OSBPL6: variants seen among roughly 807,000 people sequenced by gnomAD.
OSBPL6 encodes oxysterol-binding protein-related protein 6.
Under a neutral mutation model 125.8 loss-of-function variants are expected in OSBPL6, and 49 were observed. That is an observed-to-expected ratio of 0.39 (90% CI 0.31 to 0.49). The LOEUF is 0.49. Ranked by LOEUF, OSBPL6 falls within the 20% of genes least tolerant of loss-of-function variation. OSBPL6 has a pLI of 0.88. For synonymous variants in OSBPL6, 394 were observed against 391.8 expected, an observed-to-expected ratio of 1.01 and a Z score of -0.07; for missense variants, 986 against 1,135.4, an observed-to-expected ratio of 0.87 and a Z score of 1.89.
chr2:178,372,841 AT>A (rs1478135359), intron 14 of OSBPL6, among the ~76,000 whole-genome samples: 4 of 152,124 alleles, frequency 2.6e-5, no homozygotes, highest in Non-Finnish European at 4.4e-5. Context: ...TTATTATTCC[AT>A]TTTTCAGATT....
Position 178,395,460 on chromosome 2 carries a change from T to C in OSBPL6, c.2706T>C (p.Ile902=), listed in dbSNP as rs1189424685. 1 of 1,612,942 alleles carries C rather than the reference T, an allele frequency of 6.2e-7. No homozygotes were observed. The highest frequency in any genetic ancestry group is 1.1e-5 in the South Asian group (1 of 90,986). ...EHIPKFFKKV[I]DANQREAWVS... The stretch of plus-strand genomic sequence containing the variant: ...GTTTATATTTTCACAGAAAAGTTAT[T>C]GATGCCAATCAAAGAGAAGCCTGGG... The change falls in exon 25 of 25, where the codon ATT becomes ATC. Residue 902 remains isoleucine (I), a synonymous_variant. Transcript: ENST00000190611.
intron 15 of OSBPL6, among the ~76,000 whole-genome samples, chr2:178,379,105 A>G (rs1459148337): frequency 1.3e-5 from 2 of 151,906 alleles, no homozygotes; most frequent in African/African-American, 2.4e-5. Flanking sequence ...CCAGGAGGGA[A>G]AGGCTGTGTC....
chr2:178,287,110 G>A (rs1684765449), intron 2 of OSBPL6, among the ~76,000 whole-genome samples: 1 of 148,532 alleles, frequency 6.7e-6, no homozygotes, highest in African/African-American at 2.5e-5. Context: ...TCAACGTGGG[G>A]AAACTGACAT....
chr2:178,275,282 CG>C (rs1160007248), intron 1 of OSBPL6, among the ~76,000 whole-genome samples: 2 of 152,094 alleles, frequency 1.3e-5, no homozygotes, highest in African/African-American at 4.8e-5. Context: ...GAGGCTGAGG[CG>C]GGTGGATCAC....
chr2:178,231,277 AT>A (rs2090805534), intron 1 of OSBPL6, among the ~76,000 whole-genome samples: 1 of 152,112 alleles, frequency 6.6e-6, no homozygotes, highest in African/African-American at 2.4e-5. Context: ...ACCTAATCTT[AT>A]TATGCAAATG....
At chr2:178,284,127 G>T (rs1028113253) in intron 1 of OSBPL6, among the ~76,000 whole-genome samples, 1 of 152,136 alleles carries the variant, frequency 6.6e-6, no homozygotes, top group Admixed American at 6.5e-5. Context: ...CTTGCTAGAG[G>T]ATTGTTCTAG....
chr2:178,360,361 G>T (rs552767717), intron 12 of OSBPL6, among the ~76,000 whole-genome samples: 31 of 152,226 alleles, frequency 2.0e-4, no homozygotes, highest in Non-Finnish European at 2.5e-4. Context: ...AGCTGTTCTT[G>T]CCACAGCGCG....
At chr2:178,315,059 G>A (rs1211584539) in intron 3 of OSBPL6, among the ~76,000 whole-genome samples, 1 of 152,182 alleles carries the variant, frequency 6.6e-6, no homozygotes, top group Non-Finnish European at 1.5e-5. Context: ...AGACTAAAAT[G>A]TTAATAGTTA....
chr2:178,251,069 C>A (rs2091676212), intron 1 of OSBPL6, among the ~76,000 whole-genome samples: 1 of 152,010 alleles, frequency 6.6e-6, no homozygotes, highest in Admixed American at 6.6e-5. Context: ...GTATTTGATT[C>A]TCTGTGTTTG....
chr2:178,339,161 C>A, intron 10 of OSBPL6, 67 bp downstream of exon 10: 1 of 918,212 alleles, frequency 1.1e-6, no homozygotes, highest in Non-Finnish European at 1.7e-6. Flanking sequence ...TTGGGTTGTT[C>A]TATGAATATA....
At chr2:178,325,351 A>G (rs764060827) in intron 4 of OSBPL6, among the ~76,000 whole-genome samples, 1 of 152,170 alleles carries the variant, frequency 6.6e-6, no homozygotes, top group Non-Finnish European at 1.5e-5. Flanking sequence ...TTACTACCCA[A>G]CTGTATGGAA....
rs1691008043 is a variant in OSBPL6 at position 178,349,242 on chromosome 2, A to G, written c.1006A>G (p.Met336Val). The G allele has an allele frequency of 8.1e-6, 13 of 1,614,018 alleles. No individual in the cohort carries two copies. Among genetic ancestry groups the G allele is most frequent in the Admixed American group, 1.7e-5 (1 of 59,996 alleles). ...CTTTCAGGTTCCTTTCAGTGCTACCATGTCACCAGTTCGCTTGCATTCCTC... is the reference window on the plus strand; with the variant it reads ...CTTTCAGGTTCCTTTCAGTGCTACCGTGTCACCAGTTCGCTTGCATTCCTC... ...IQLQVPFSAT[M>V]SPVRLHSSNP... is the part of the protein sequence containing the mutation. Residue 336 changes from methionine (M) to valine (V), a missense_variant, in exon 12 of 25, where the codon ATG becomes GTG. Met to Val is a conservative substitution (Grantham distance 21). Around this residue, in one of 3 missense-constraint regions of OSBPL6, gnomAD observed 843 missense variants for 997.3 expected, o/e 0.85. Coordinates refer to ENST00000190611, the MANE Select transcript of OSBPL6 (RefSeq NM_032523.4).
At chr2:178,264,076 C>A (rs1212230844) in intron 1 of OSBPL6, among the ~76,000 whole-genome samples, 6 of 152,042 alleles carry the variant, frequency 3.9e-5, no homozygotes. Flanking sequence ...ATATGGGACA[C>A]TACCCTAACT....
chr2:178,270,012 A>G (rs1013994621), intron 1 of OSBPL6, among the ~76,000 whole-genome samples: 1 of 152,084 alleles, frequency 6.6e-6, no homozygotes, highest in Admixed American at 6.6e-5. Flanking sequence ...ACGATAACAC[A>G]CTGGCTTGTT....
intron 12 of OSBPL6, among the ~76,000 whole-genome samples, chr2:178,359,038 T>C (rs1692081381): frequency 6.6e-6 from 1 of 152,064 alleles, no homozygotes; most frequent in African/African-American, 2.4e-5. Flanking sequence ...TAGCCAGGCA[T>C]GTTAATGTGT....
intron 1 of OSBPL6, among the ~76,000 whole-genome samples, chr2:178,224,547 A>G (rs2090472439): frequency 6.6e-6 from 1 of 152,230 alleles, no homozygotes; most frequent in African/African-American, 2.4e-5. Context: ...TCCTGTGTCC[A>G]GAATCAGAAT....
intron 3 of OSBPL6, among the ~76,000 whole-genome samples, chr2:178,319,562 A>T (rs1323901252): frequency 6.6e-6 from 1 of 152,202 alleles, no homozygotes; most frequent in Non-Finnish European, 1.5e-5. Context: ...TAATCTCTAT[A>T]TCCCTTTATC....
intron 1 of OSBPL6, among the ~76,000 whole-genome samples, chr2:178,204,716 T>A (rs936894255): frequency 2.0e-5 from 3 of 151,752 alleles, no homozygotes; most frequent in Non-Finnish European, 4.4e-5. Flanking sequence ...GGCAGAGGAG[T>A]GAAGTGGAGG....
intron 1 of OSBPL6, among the ~76,000 whole-genome samples, chr2:178,277,082 G>T (rs999828847): frequency 3.3e-5 from 5 of 152,128 alleles, no homozygotes; most frequent in African/African-American, 1.2e-4. Flanking sequence ...TCACTGATCT[G>T]GACCTTTACA....
Sources: gnomAD v4.1 joint callset for allele counts (sites outside exome capture counted in the v4.1 genomes callset) on GRCh38, gnomAD v4.1.1 for gene constraint, gnomAD v4.1.1 regional missense constraint, MANE v1.5 for transcripts, NCBI Gene and HGNC (gene_info 2026-07-23, HGNC 2026-07-21) for gene names.